The following DCAF1 variants were observed in gnomAD, a reference collection of about 807,000 sequenced individuals.
DCAF1 encodes DDB1- and CUL4-associated factor 1.
A neutral mutation model predicts 128.0 loss-of-function variants in DCAF1; 15 were observed. That is an observed-to-expected ratio of 0.12 (90% CI 0.08 to 0.18). DCAF1 has a LOEUF of 0.18. Among genes scored for constraint, DCAF1 ranks in the 10% least tolerant of loss-of-function variants. The pLI is 1.00. For missense variants in DCAF1, 988 were observed against 1,649.5 expected (o/e 0.60, Z 6.95); for synonymous variants, 610 against 603.0 (o/e 1.01, Z -0.17).
At chr3:51,504,021 C>T (rs1553664859), upstream of DCAF1, among the ~76,000 whole-genome samples, 2 of 151,150 alleles carry the variant, frequency 1.3e-5, no homozygotes, top group African/African-American at 2.4e-5. Context: ...TCCAAGCTCT[C>T]AGAAGCCCCT....
At chr3:51,433,849 G>A (rs1231302683) in intron 9 of DCAF1, among the ~76,000 whole-genome samples, 22 of 151,162 alleles carry the variant, frequency 1.5e-4, no homozygotes, top group African/African-American at 2.7e-4. Flanking sequence ...GGGAGGCCAA[G>A]GTAGGCAGAT....
intron 5 of DCAF1, among the ~76,000 whole-genome samples, chr3:51,465,999 G>C (rs540892912): frequency 1.4e-4 from 21 of 152,192 alleles, no homozygotes; most frequent in African/African-American, 5.1e-4. Context: ...AGGAATTTGA[G>C]ACTAGCCTGG....
At chr3:51,396,599 G>T (rs879946113), downstream of DCAF1, 5 of 167,164 alleles carry the variant, frequency 3.0e-5, no homozygotes, top group Non-Finnish European at 5.9e-5. Context: ...CTCACTGGTG[G>T]TGTGCCACTG....
chr3:51,406,507 G>A (rs782585022), intron 23 of DCAF1, among the ~76,000 whole-genome samples: 1 of 151,096 alleles, frequency 6.6e-6, no homozygotes, highest in Non-Finnish European at 1.5e-5. Context: ...TTAAATTAAG[G>A]TACTAATAAA....
intron 2 of DCAF1, among the ~76,000 whole-genome samples, chr3:51,494,980 C>A (rs909805482): frequency 6.6e-6 from 1 of 151,972 alleles, no homozygotes; most frequent in African/African-American, 2.4e-5. Context: ...TAACCATTTG[C>A]CCAAGGAAAA....
intron 3 of DCAF1, among the ~76,000 whole-genome samples, chr3:51,471,620 C>T (rs1704759586): frequency 1.3e-5 from 2 of 152,082 alleles, no homozygotes; most frequent in East Asian, 1.9e-4. Flanking sequence ...GTAATCCCAG[C>T]ACTCTGGGAG....
chr3:51,483,331 T>C (rs1553653729), intron 3 of DCAF1, among the ~76,000 whole-genome samples: 1 of 151,178 alleles, frequency 6.6e-6, no homozygotes, highest in Admixed American at 6.6e-5. Flanking sequence ...TCCCAGCTAC[T>C]TGGGAGGCTG....
In DCAF1 at chr3:51,441,740, T is replaced by C. The variant is rs1444300867; in HGVS notation, c.671A>G (p.Asp224Gly). 8.1e-6 allele frequency: 13 copies of C among 1,613,824 alleles called. No individual in the cohort carries two copies. Among genetic ancestry groups the C allele is most frequent in the Non-Finnish European group, 1.1e-5 (13 of 1,179,894 alleles). Residue 224 changes from aspartate (D) to glycine (G), a missense_variant, in exon 8 of 25, where the codon GAT becomes GGT. This residue lies in a region of DCAF1 where 210 missense variants were observed against 260.2 expected (regional missense o/e 0.81). Transcript: ENST00000684031. ...TTCCTCTTGGTCTCCATCCACTACA[T>C]CTACAGCCATGTCACCATAGTCCAT... ...VDMDYGDMAVDVVDGDQEEAS... is the reference protein window; with the variant it reads ...VDMDYGDMAVGVVDGDQEEAS...
At chr3:51,490,911 G>T (rs782651583) in intron 2 of DCAF1, among the ~76,000 whole-genome samples, 2 of 151,616 alleles carry the variant, frequency 1.3e-5, no homozygotes, top group Non-Finnish European at 2.9e-5. Flanking sequence ...GGGAGCAACA[G>T]AGAGAGACTC....
chr3:51,442,515 T>C (rs1322305012), intron 7 of DCAF1, among the ~76,000 whole-genome samples: 2 of 152,002 alleles, frequency 1.3e-5, no homozygotes, highest in Non-Finnish European at 2.9e-5. Flanking sequence ...CTGGCCAACA[T>C]GGTGAAACCC....
At position 51,413,016 on chromosome 3, in the gene DCAF1, C is replaced by T; in HGVS notation, c.4087G>A (p.Asp1363Asn). 2 of 1,613,956 alleles carry T rather than the reference C, an allele frequency of 1.2e-6. No individual in the cohort carries two copies. The highest frequency in any genetic ancestry group is 1.7e-6 in the Non-Finnish European group (2 of 1,179,870). The change falls in exon 22 of 25, where the codon GAC becomes AAC. Residue 1363 changes from aspartate (D) to asparagine (N), a missense_variant. Coordinates refer to ENST00000684031, the MANE Select transcript of DCAF1 (RefSeq NM_001387579.1). ...ACCTCAATGACAGCAAGATAGCAGTCTTTGGTGTCTGTACACAGGTCAAAG... is the reference window on the plus strand; with the variant it reads ...ACCTCAATGACAGCAAGATAGCAGTTTTTGGTGTCTGTACACAGGTCAAAG... ...NIFDLCTDTKDCYLAVIENQG... is the reference protein window; with the variant it reads ...NIFDLCTDTKNCYLAVIENQG...
intron 9 of DCAF1, chr3:51,440,138 A>G (rs782478927): frequency 7.9e-6 from 4 of 507,176 alleles, no homozygotes; most frequent in South Asian, 1.4e-5. Flanking sequence ...TTTTATCTCA[A>G]CGTTCAGCCT....
At chr3:51,451,460 G>A (rs554800290) in intron 6 of DCAF1, among the ~76,000 whole-genome samples, 4 of 151,192 alleles carry the variant, frequency 2.6e-5, no homozygotes, top group Admixed American at 2.0e-4. Context: ...CTATTTTTTC[G>A]TATATATTTA....
chr3:51,430,404 G>A (rs1374219370), intron 10 of DCAF1, among the ~76,000 whole-genome samples, 192 bp from the exon 11 acceptor site: 2 of 152,086 alleles, frequency 1.3e-5, no homozygotes, highest in Non-Finnish European at 2.9e-5. Context: ...ACCTGAAAAC[G>A]ACCTAAATTT....
intron 3 of DCAF1, among the ~76,000 whole-genome samples, chr3:51,477,916 A>G (rs1705680524): frequency 6.6e-6 from 1 of 152,118 alleles, no homozygotes; most frequent in Non-Finnish European, 1.5e-5. Context: ...ATATATATAT[A>G]TACACACACA....
At chr3:51,406,201 G>A (rs1055684241) in intron 23 of DCAF1, among the ~76,000 whole-genome samples, 2 of 151,674 alleles carry the variant, frequency 1.3e-5, no homozygotes, top group Non-Finnish European at 2.9e-5. Flanking sequence ...AAATTTGCTG[G>A]GTGTGGTGAT....
At chr3:51,433,386 A>G (rs1700547229) in intron 9 of DCAF1, 122 bp from the exon 10 acceptor site, 4 of 395,544 alleles carry the variant, frequency 1.0e-5, no homozygotes, top group Non-Finnish European at 1.8e-5. Flanking sequence ...AACCCCTCAC[A>G]AAAGAAAACC....
intron 6 of DCAF1, among the ~76,000 whole-genome samples, chr3:51,462,194 G>A (rs1165606808): frequency 2.0e-5 from 3 of 151,888 alleles, no homozygotes; most frequent in Non-Finnish European, 4.4e-5. Context: ...AGGCCAAGGA[G>A]GGTGGAACAC....
At chr3:51,429,523 A>C in intron 11 of DCAF1, 53 bp from the exon 12 acceptor site, 1 of 758,840 alleles carries the variant, frequency 1.3e-6, no homozygotes, top group Non-Finnish European at 2.5e-6. Flanking sequence ...AAGAAGAGTT[A>C]AGTAAAAATA....
Sources: allele counts gnomAD v4.1 joint callset (sites outside exome capture counted in the v4.1 genomes callset), GRCh38; gene constraint gnomAD v4.1.1; regional missense constraint gnomAD v4.1.1; transcripts MANE v1.5; gene names NCBI Gene and HGNC (gene_info 2026-07-23, HGNC 2026-07-21).